OSBPL5: variants seen among roughly 807,000 people sequenced by gnomAD.
OSBPL5 encodes oxysterol-binding protein-related protein 5.
In OSBPL5, 71 loss-of-function variants were observed where a neutral mutation model predicts 111.2. The ratio of observed to expected loss-of-function variants is 0.64; its 90% CI spans 0.53 to 0.78. OSBPL5 has a LOEUF of 0.78. Ranked by LOEUF, OSBPL5 falls within the 30% of genes least tolerant of loss-of-function variation. The pLI is 0.00. For synonymous variants in OSBPL5, 549 were observed against 513.9 expected (o/e 1.07, Z -0.93); for missense variants, 1,210 against 1,189.3 (o/e 1.02, Z -0.26).
At chr11:3,108,442 G>C (rs1857789510) in intron 7 of OSBPL5, among the ~76,000 whole-genome samples, 1 of 152,178 alleles carries the variant, frequency 6.6e-6, no homozygotes, top group Non-Finnish European at 1.5e-5. Context: ...GGTGCCAGGG[G>C]CTCCTGCCAG....
chr11:3,093,906 G>A, intron 15 of OSBPL5, 71 bp from the exon 16 acceptor site: 2 of 1,518,730 alleles, frequency 1.3e-6, no homozygotes, highest in East Asian at 2.4e-5. Context: ...TCCTCATGGG[G>A]GCACGGAACA....
rs530274052 is a variant in OSBPL5 at position 3,106,269 on chromosome 11, C to T, written c.1059+994G>A. On this transcript the variant is annotated intron_variant, in intron 9 of 21. Transcript: ENST00000263650. The surrounding 1 kb of genome is among the most constrained non-coding windows in gnomAD (Gnocchi z 8.4). ...ACGCTGTCCAAACAACAGCAAGGAA[C>T]GAATTCCCCTTTCCTGCTGAAACCG... 2.6e-5 allele frequency among the ~76,000 whole-genome samples: 4 copies of T among 152,246 alleles called. No individual in the cohort carries two copies. Among genetic ancestry groups the T allele is most frequent in the East Asian group, 1.9e-4 (1 of 5,186 alleles).
chr11:3,163,028 C>T (rs1422903164), intron 1 of OSBPL5, among the ~76,000 whole-genome samples: 1 of 152,166 alleles, frequency 6.6e-6, no homozygotes, highest in Non-Finnish European at 1.5e-5. Flanking sequence ...TCCCCGACAG[C>T]TCCCTTCCTG....
intron 1 of OSBPL5, among the ~76,000 whole-genome samples, chr11:3,135,461 C>G (rs1355317219): frequency 6.6e-6 from 1 of 151,304 alleles, no homozygotes; most frequent in East Asian, 1.9e-4. Flanking sequence ...AGAGGCCACT[C>G]CTGAGGCCCT....
In OSBPL5 at chr11:3,121,581, G is replaced by A. The variant is rs969650931; in HGVS notation, c.402+416C>T. Among the ~76,000 whole-genome samples, 1 of 152,162 alleles carries A rather than the reference G, an allele frequency of 6.6e-6. No individual in the cohort carries two copies. The highest frequency in any genetic ancestry group is 2.4e-5 in the African/African-American group (1 of 41,422). On this transcript the variant is annotated intron_variant, in intron 5 of 21. Transcript: ENST00000263650. The surrounding 1 kb of genome is among the most constrained non-coding windows in gnomAD (Gnocchi z 4.3). ...CCACTGTACACAAGGGGAAATGGAG[G>A]CTCAGAGGCGAGTGAATGGCCACGG... is the stretch of plus-strand genomic sequence containing the variant.
chr11:3,104,312 C>T lies in OSBPL5; in HGVS notation c.1125G>A (p.Leu375=). The T allele has an allele frequency of 1.2e-6, 2 of 1,613,698 alleles. No homozygotes were observed. The highest frequency in any genetic ancestry group is 1.1e-5 in the South Asian group (1 of 91,086). The change falls in exon 10 of 22, where the codon CTG becomes CTA. Residue 375 remains leucine, a synonymous_variant. Transcript: ENST00000263650. This position sits in a 1 kb window ranked among gnomAD's most constrained non-coding sequence, Gnocchi z 5.0. ...EENKSLMWTL[L]KQLRPGMDLS... ...GGTCCATGCCTGGCCGTAGCTGCTTCAGCAGGGTCCACATCAGACTCTTGT... is the reference window on the plus strand; with the variant it reads ...GGTCCATGCCTGGCCGTAGCTGCTTTAGCAGGGTCCACATCAGACTCTTGT...
chr11:3,122,211 G>A lies in OSBPL5; in HGVS notation c.301-113C>T, dbSNP rs762353142. 183 of 1,332,310 alleles carry A rather than the reference G, an allele frequency of 1.4e-4. 1 individual carries two copies. Among genetic ancestry groups the A allele is most frequent in the East Asian group, 6.5e-4 (26 of 39,788 alleles). The allele number at this position is 1,332,310 out of a possible 1,614,324, so 82.5% of individuals were successfully genotyped here. A position where few individuals can be genotyped will look rare whatever the true frequency, so the allele number is the denominator to read the frequency against. ...GGGGCAGGGGCAGGAGAGGAAGTAG[G>A]AGGAAGTAGGGGGTGTGGAGGCGAC... On this transcript the variant is annotated intron_variant, in intron 4 of 21. Transcript: ENST00000263650.
chr11:3,145,548 G>C (rs1196681769), intron 1 of OSBPL5, among the ~76,000 whole-genome samples: 1 of 152,214 alleles, frequency 6.6e-6, no homozygotes, highest in Non-Finnish European at 1.5e-5. Context: ...TTGGGGTGGG[G>C]GTTTGGCCTC....
At chr11:3,103,785 T>TTTCCAGCCTGTGCCGCC (rs1564830137) in intron 10 of OSBPL5, among the ~76,000 whole-genome samples, 2 of 55,000 alleles carry the variant, frequency 3.6e-5, no homozygotes, top group Non-Finnish European at 8.2e-5. Flanking sequence ...GCCTCTGCAG[T>TTTCCAGCCTGTGCCGCC]CCCTTCCTGC....
rs542229720 is a variant in OSBPL5, at chr11:3,092,288, A to C, written c.2259+144T>G. On this transcript the variant is annotated intron_variant, in intron 19 of 21. Coordinates refer to ENST00000263650, the MANE Select transcript of OSBPL5 (RefSeq NM_020896.4). This position sits in a 1 kb window ranked among gnomAD's most constrained non-coding sequence, Gnocchi z 5.4. The stretch of plus-strand genomic sequence containing the variant: ...TCCTGAGTCCCATGCTCGGCAGAGA[A>C]GGAAAGGGGACGAGGGGGCTGGGGG... The C allele has an allele frequency of 1.9e-4, 222 of 1,191,420 alleles. No homozygotes were observed. The African/African-American group carries it at 3.1e-3, about 17-fold the overall frequency. The allele number at this position is 1,191,420 out of a possible 1,614,324, so 73.8% of individuals were successfully genotyped here.
rs1564830641 is a variant in OSBPL5 at position 3,103,847 on chromosome 11, CTTT to C, written c.1244+343_1244+345del. ...AGCCCCCTTCCAGCCTCTGCAGCCC[CTTT>C]CCAGTCTGCGCAGCCCCCTTCCTGC... On this transcript the variant is annotated intron_variant, in intron 10 of 21. Transcript: ENST00000263650. 7.4e-3 allele frequency among the ~76,000 whole-genome samples: 531 copies of C among 71,644 alleles called. 5 individuals carry two copies. The highest frequency in any genetic ancestry group is 9.2e-3 in the African/African-American group (219 of 23,852). The allele number at this position is 71,644 out of a possible 152,430, so 47.0% of individuals were successfully genotyped here.
rs189646454 is a variant in OSBPL5, at chr11:3,119,840, C to G, written c.607-209G>C. ...GGGGGAGCTCTGTCCCCTTTCTTAG[C>G]TGGCAGCTCTGCCCTCAGCTTTCCA... On this transcript the variant is annotated intron_variant, in intron 6 of 21. Transcript: ENST00000263650. The G allele has an allele frequency of 1.3e-3, 681 of 526,592 alleles. 8 individuals carry two copies. The East Asian group carries it at 0.02, about 16-fold the overall frequency. 32.6% of individuals were successfully genotyped at this position (526,592 alleles called of 1,614,324 possible). A position where few individuals can be genotyped will look rare whatever the true frequency, so the allele number is the denominator to read the frequency against.
intron 1 of OSBPL5, among the ~76,000 whole-genome samples, chr11:3,143,036 G>GGC (rs1554905064): frequency 2.6e-5 from 2 of 78,422 alleles, no homozygotes; most frequent in African/African-American, 8.9e-5. Flanking sequence ...GGTGCGGGGG[G>GGC]GGGCAGAGGA....
chr11:3,131,825 CTACCCACTCAT>C (rs1845807535), intron 1 of OSBPL5, among the ~76,000 whole-genome samples: 1 of 149,720 alleles, frequency 6.7e-6, no homozygotes. Context: ...ATCCATCCAT[CTACCCACTCAT>C]CTATCCATCC....
intron 14 of OSBPL5, 140 bp from the exon 15 acceptor site, chr11:3,094,474 G>A (rs1046597133): frequency 1.5e-6 from 1 of 651,796 alleles, no homozygotes; most frequent in Non-Finnish European, 2.7e-6. Context: ...GTCAGTCCCT[G>A]GGAGGGTGAG....
In OSBPL5 at chr11:3,130,428, G is replaced by C. The variant is rs1297002033; in HGVS notation, c.-21-1259C>G. ...TGCTGGGGGGGGCCTCAGACACACA[G>C]AGACTTTCCTGCTGTGGCTTCAGGA... is the stretch of plus-strand genomic sequence containing the variant. On this transcript the variant is annotated intron_variant, in intron 1 of 21. Coordinates refer to ENST00000263650, the MANE Select transcript of OSBPL5 (RefSeq NM_020896.4). The surrounding 1 kb of genome is among the most constrained non-coding windows in gnomAD (Gnocchi z 4.5). 6.6e-6 allele frequency among the ~76,000 whole-genome samples: 1 copy of C among 152,242 alleles called. No homozygotes were observed. The highest frequency in any genetic ancestry group is 1.5e-5 in the Non-Finnish European group (1 of 68,038).
chr11:3,107,996 G>A lies in OSBPL5; in HGVS notation c.692-51C>T, dbSNP rs755382005. 12 of 1,554,696 alleles carry A rather than the reference G, an allele frequency of 7.7e-6. No homozygotes were observed. The Admixed American group carries it at 1.1e-4, about 14-fold the overall frequency. ...CCCCACCCCCACCTCTGTATATCCC[G>A]CATCCCCCAAGGGGCCACCAGGAGG... On this transcript the variant is annotated intron_variant, in intron 7 of 21. Coordinates refer to ENST00000263650, the MANE Select transcript of OSBPL5 (RefSeq NM_020896.4). The surrounding 1 kb of genome is among the most constrained non-coding windows in gnomAD (Gnocchi z 6.1).
In OSBPL5 at chr11:3,121,980, G is replaced by A; in HGVS notation, c.402+17C>T. The A allele has an allele frequency of 6.5e-7, 1 of 1,547,708 alleles. No individual in the cohort carries two copies. Among genetic ancestry groups the A allele is most frequent in the Non-Finnish European group, 8.7e-7 (1 of 1,150,414 alleles). On this transcript the variant is annotated intron_variant, in intron 5 of 21. Coordinates refer to ENST00000263650, the MANE Select transcript of OSBPL5 (RefSeq NM_020896.4). The surrounding 1 kb of genome is among the most constrained non-coding windows in gnomAD (Gnocchi z 4.3). ...CTGACCCGTGTCCTGGGTGGCCGGA[G>A]GCCGGGCATCACCTACCTTCAGGCT...
intron 16 of OSBPL5, 21 bp downstream of exon 16, chr11:3,093,725 C>T: frequency 6.2e-7 from 1 of 1,612,710 alleles, no homozygotes; most frequent in South Asian, 1.1e-5. Flanking sequence ...GCCGTGCCTG[C>T]CCTGAGGGAC....
Sources: allele counts gnomAD v4.1 joint callset (sites outside exome capture counted in the v4.1 genomes callset), GRCh38; gene constraint gnomAD v4.1.1; non-coding constraint Gnocchi (gnomAD v3.1); transcripts MANE v1.5; gene names NCBI Gene and HGNC (gene_info 2026-07-23, HGNC 2026-07-21).